The following ALG12 variants were observed in gnomAD, a reference collection of about 807,000 sequenced individuals.
The protein encoded by ALG12 is dol-P-Man:Man(7)GlcNAc(2)-PP-Dol alpha-1,6-mannosyltransferase.
ALG12 carries 36 observed loss-of-function variants against 46.0 expected under a neutral mutation model. The ratio of observed to expected loss-of-function variants is 0.78; its 90% CI spans 0.60 to 1.03. The LOEUF is 1.03. ALG12 is among the 50% of genes least tolerant of loss of function. The pLI is 0.00. For synonymous variants in ALG12, 326 were observed against 291.6 expected (o/e 1.12, Z -1.20); for missense variants, 599 against 633.5 (o/e 0.95, Z 0.58).
At chr22:49,861,473 GC>G in the ALG12 span, among the ~76,000 whole-genome samples, 3 of 152,108 alleles carry the variant, frequency 2.0e-5, no homozygotes, top group African/African-American at 7.2e-5. Flanking sequence ...TGGCTCTGTT[GC>G]CCAGGCTGGA....
At chr22:49,878,388 C>T in the ALG12 span, among the ~76,000 whole-genome samples, 1 of 150,910 alleles carries the variant, frequency 6.6e-6, no homozygotes, top group African/African-American at 2.4e-5. Flanking sequence ...AGCTGGGTTA[C>T]GTGGTCAGTA....
chr22:49,869,239 C>T, the ALG12 span, among the ~76,000 whole-genome samples: 1 of 152,136 alleles, frequency 6.6e-6, no homozygotes, highest in South Asian at 2.1e-4. Context: ...GATTCACGTA[C>T]ACACATGCAT....
chr22:49,909,644 G>A (rs1475211807), intron 5 of ALG12, among the ~76,000 whole-genome samples: 4 of 152,190 alleles, frequency 2.6e-5, no homozygotes, highest in African/African-American at 2.4e-5. Flanking sequence ...GGGACAAGCC[G>A]CCCTCCACTC....
the ALG12 span, chr22:49,885,745 C>T: frequency 6.2e-7 from 1 of 1,603,590 alleles, no homozygotes. Flanking sequence ...GTACTCCCTC[C>T]CCGCCCCTTC....
At chr22:49,871,985 C>T in the ALG12 span, among the ~76,000 whole-genome samples, 1 of 152,106 alleles carries the variant, frequency 6.6e-6, no homozygotes, top group Non-Finnish European at 1.5e-5. Context: ...ACCTCGTGAT[C>T]CGCCTGCCTC....
intron 3 of ALG12, 118 bp from the exon 4 acceptor site, chr22:49,910,725 C>A: frequency 8.1e-7 from 1 of 1,231,334 alleles, no homozygotes; most frequent in Non-Finnish European, 1.2e-6. Flanking sequence ...TGCTGCAATG[C>A]CAGCTGACGG....
intron 7 of ALG12, among the ~76,000 whole-genome samples, chr22:49,907,427 A>T (rs2060548511): frequency 6.6e-6 from 1 of 152,144 alleles, no homozygotes; most frequent in South Asian, 2.1e-4. Context: ...GGGAGGAGAG[A>T]GGACTGGGGT....
chr22:49,883,486 C>G, the ALG12 span: 2 of 851,206 alleles, frequency 2.3e-6, no homozygotes, highest in African/African-American at 3.4e-5. Context: ...GCTGTAAGAC[C>G]ATGAGTCACA....
intron 6 of ALG12, among the ~76,000 whole-genome samples, 190 bp downstream of exon 6, chr22:49,909,054 G>C (rs1215618301): frequency 3.9e-5 from 6 of 152,074 alleles, no homozygotes; most frequent in African/African-American, 1.4e-4. Flanking sequence ...CTGGCTGAGA[G>C]AGGGCAGCCA....
downstream of ALG12, among the ~76,000 whole-genome samples, chr22:49,896,761 C>T (rs554029581): frequency 1.0e-3 from 152 of 152,188 alleles, no homozygotes; most frequent in African/African-American, 3.6e-3. Flanking sequence ...TCAGCCTCCC[C>T]AGTAGCTGGG....
the ALG12 span, chr22:49,888,402 T>A: frequency 6.0e-6 from 1 of 167,264 alleles, no homozygotes; most frequent in Non-Finnish European, 1.5e-5. Flanking sequence ...TTATAAATGG[T>A]GAACTCAGTT....
chr22:49,908,821 G>A (rs11702974), intron 6 of ALG12, among the ~76,000 whole-genome samples: 13,718 of 150,366 alleles, frequency 0.091, 757 homozygotes, highest in South Asian at 0.19. Flanking sequence ...GTGTGGTGGC[G>A]TGCGCCTATA....
the ALG12 span, among the ~76,000 whole-genome samples, chr22:49,880,935 C>T: frequency 2.6e-5 from 4 of 152,162 alleles, no homozygotes; most frequent in African/African-American, 9.7e-5. Flanking sequence ...TACAGGTCTT[C>T]TTTTTAAGAC....
At chr22:49,867,970 C>T in the ALG12 span, among the ~76,000 whole-genome samples, 1 of 152,100 alleles carries the variant, frequency 6.6e-6, no homozygotes, top group East Asian at 1.9e-4. Context: ...AGTGTCACAC[C>T]GTATGTTGTT....
At chr22:49,909,205 TC>T (rs750987823) in intron 6 of ALG12, 38 bp downstream of exon 6, 1 of 1,588,354 alleles carries the variant, frequency 6.3e-7, no homozygotes, top group Non-Finnish European at 8.6e-7. Context: ...TGGCTGCAGG[TC>T]CCACCCATCG....
At position 49,901,652 on chromosome 22, in the gene ALG12, T is replaced by TTCTG. The variant is rs146381177; in HGVS notation, c.*2185_*2186insCAGA. 53,509 of 148,088 alleles carry TTCTG rather than the reference T, an allele frequency of 0.36. 13,615 individuals carry two copies. The highest frequency in any genetic ancestry group is 0.73 in the African/African-American group (29,613 of 40,460). The allele number at this position is 148,088 out of a possible 1,614,324, so 9.2% of individuals were successfully genotyped here. On this transcript the variant is annotated 3_prime_UTR_variant, in exon 10 of 10. Coordinates refer to ENST00000330817, the MANE Select transcript of ALG12 (RefSeq NM_024105.4). ...GTATGTATGGTGTGTGCACGTGTGA[T>TTCTG]CATGCATGTATGGTGTGTATGCATG...
the ALG12 span, among the ~76,000 whole-genome samples, chr22:49,881,304 G>A: frequency 1.3e-5 from 2 of 152,236 alleles, no homozygotes; most frequent in Non-Finnish European, 1.5e-5. Flanking sequence ...AACTGAGATC[G>A]TGCCGCTGCA....
At chr22:49,863,172 G>GTGTT in the ALG12 span, among the ~76,000 whole-genome samples, 2 of 152,110 alleles carry the variant, frequency 1.3e-5, no homozygotes, top group East Asian at 1.9e-4. Context: ...CTTGTAGATT[G>GTGTT]TGTTTGGTTG....
chr22:49,876,576 C>T, the ALG12 span, among the ~76,000 whole-genome samples: 2 of 152,110 alleles, frequency 1.3e-5, no homozygotes, highest in Non-Finnish European at 2.9e-5. Context: ...AATGTCGCCA[C>T]TCCAGCTTTC....
Sources: gnomAD v4.1 joint callset for allele counts (sites outside exome capture counted in the v4.1 genomes callset) on GRCh38, gnomAD v4.1.1 for gene constraint, MANE v1.5 for transcripts, NCBI Gene and HGNC (gene_info 2026-07-23, HGNC 2026-07-21) for gene names.